The following KIR3DL2 variants were observed in gnomAD, a reference collection of about 807,000 sequenced individuals.
The protein encoded by KIR3DL2 is killer cell immunoglobulin-like receptor 3DL2.
A neutral mutation model predicts 41.6 loss-of-function variants in KIR3DL2; 42 were observed. The ratio of observed to expected loss-of-function variants is 1.01; its 90% CI spans 0.79 to 1.31. The LOEUF (loss-of-function observed/expected upper bound fraction) is 1.31. Among genes scored for constraint, KIR3DL2 ranks in the 50% most tolerant of loss-of-function variants. The probability of loss-of-function intolerance (pLI) is 0.00; values close to 1 mark genes in which losing one functional copy is unlikely to be tolerated. For synonymous variants in KIR3DL2, 230 were observed against 221.3 expected (o/e 1.04, Z -0.35); for missense variants, 728 against 576.8 (o/e 1.26, Z -2.68).
Position 54,853,824 on chromosome 19 carries a change from T to C in KIR3DL2, c.433T>C (p.Trp145Arg). 1 of 1,612,962 alleles carries C rather than the reference T, an allele frequency of 6.2e-7. No homozygotes were observed. Among genetic ancestry groups the C allele is most frequent in the Non-Finnish European group, 8.5e-7 (1 of 1,179,544 alleles). The change falls in exon 4 of 9, where the codon TGG becomes CGG. Residue 145 changes from tryptophan to arginine, a missense_variant. Physicochemically the swap from Trp to Arg is moderately radical, Grantham distance 101 (BLOSUM62 -3). Coordinates refer to ENST00000326321, the MANE Select transcript of KIR3DL2 (RefSeq NM_006737.4). ...KSGETVILQC[W>R]SDVMFEHFFL... The stretch of plus-strand genomic sequence containing the variant: ...AGGAGAGACAGTCATCCTGCAATGT[T>C]GGTCAGATGTCATGTTTGAGCACTT...
chr19:54,856,085 A>G (rs1272316314), intron 5 of KIR3DL2, among the ~76,000 whole-genome samples, 173 bp downstream of exon 5: 1 of 151,342 alleles, frequency 6.6e-6, no homozygotes, highest in Non-Finnish European at 1.5e-5. Context: ...ACCCTCTTGC[A>G]TGGCCTGCAT....
rs762726850 is a variant in KIR3DL2 at position 54,866,622 on chromosome 19, C to T, written c.1259C>T (p.Thr420Ile). ...AGTCGCCCTTCTCAGAGGCCCAAGA[C>T]ACCCCTAACAGATACCAGCGTGTAC... ...KISRPSQRPK[T>I]PLTDTSVYTE... Residue 420 changes from threonine to isoleucine, a missense_variant, in exon 9 of 9, where the codon ACA (threonine) becomes ATA (isoleucine). Coordinates refer to ENST00000326321, the MANE Select transcript of KIR3DL2 (RefSeq NM_006737.4). 29 of 1,613,922 alleles carry T rather than the reference C, an allele frequency of 1.8e-5. No homozygotes were observed. The highest frequency in any genetic ancestry group is 2.3e-5 in the Non-Finnish European group (27 of 1,179,994).
Position 54,852,160 on chromosome 19 carries a change from AGAGCTTCAT to A in KIR3DL2, c.234_242del (p.Glu78_Ile81delinsAsp). ...ATCTTCCACGGCAGAATATTCCAGG[AGAGCTTCAT>A]CATGGGCCCTGTGACCCCAGCACAT... On this transcript the variant is annotated inframe_deletion, in exon 3 of 9. Transcript: ENST00000326321. 1 of 1,613,082 alleles carries A rather than the reference AGAGCTTCAT, an allele frequency of 6.2e-7. No individual in the cohort carries two copies. The highest frequency in any genetic ancestry group is 8.5e-7 in the Non-Finnish European group (1 of 1,179,644).
chr19:54,851,938 C>A, intron 2 of KIR3DL2, 60 bp from the exon 3 acceptor site: 1 of 1,582,988 alleles, frequency 6.3e-7, no homozygotes, highest in Non-Finnish European at 8.6e-7. Flanking sequence ...CTTCTGAGCA[C>A]AGGGAGGGAG....
At position 54,867,134 on chromosome 19, in the gene KIR3DL2, T is replaced by G. The variant is rs796487144; in HGVS notation, c.*403T>G. 1.2e-4 allele frequency: 26 copies of G among 219,092 alleles called. No individual in the cohort carries two copies. The East Asian group carries it at 2.7e-3, about 23-fold the overall frequency. The allele number at this position is 219,092 out of a possible 1,614,324, so 13.6% of individuals were successfully genotyped here. A position where few individuals can be genotyped will look rare whatever the true frequency, so the allele number is the denominator to read the frequency against. On this transcript the variant is annotated 3_prime_UTR_variant, in exon 9 of 9. Coordinates refer to ENST00000326321, the MANE Select transcript of KIR3DL2 (RefSeq NM_006737.4). ...CAGACTATCTTTCAGCCTTCTGTCA[T>G]CAGTAAAATTTATAAATTTTTTTTA...
At chr19:54,853,480 G>A (rs1328340723) in intron 3 of KIR3DL2, among the ~76,000 whole-genome samples, 4 of 151,798 alleles carry the variant, frequency 2.6e-5, no homozygotes, top group Admixed American at 2.6e-4. Flanking sequence ...AAAGAGACTA[G>A]TGGGAAAGAG....
Position 54,853,910 on chromosome 19 carries a change from T to C in KIR3DL2, c.519T>C (p.Asp173=). 3.7e-6 allele frequency: 6 copies of C among 1,613,348 alleles called. No individual in the cohort carries two copies. Among genetic ancestry groups the C allele is most frequent in the Non-Finnish European group, 5.1e-6 (6 of 1,179,848 alleles). ...CACGCCTCGTTGGACAGATCCATGA[T>C]GGGGTCTCCAAGGCCAACTTCTCCA... The part of the protein sequence containing the change: ...DPSRLVGQIH[D]GVSKANFSIG... Residue 173 remains aspartate, a synonymous_variant, in exon 4 of 9, where the codon GAT becomes GAC. Transcript: ENST00000326321.
chr19:54,854,916 G>C (rs1196117408), intron 4 of KIR3DL2, among the ~76,000 whole-genome samples: 1 of 151,678 alleles, frequency 6.6e-6, no homozygotes, highest in African/African-American at 2.4e-5. Flanking sequence ...GGCAGAGAAA[G>C]ACAAGGAGAT....
chr19:54,866,781 G>T lies in KIR3DL2; in HGVS notation c.*50G>T. ...CCAGGTTGCCAGATCCAATGAACCAGCAGCTGGAATCTGAAGGCATCAGTC... is the reference window on the plus strand; with the variant it reads ...CCAGGTTGCCAGATCCAATGAACCATCAGCTGGAATCTGAAGGCATCAGTC... On this transcript the variant is annotated 3_prime_UTR_variant, in exon 9 of 9. Transcript: ENST00000326321. The T allele has an allele frequency of 6.3e-7, 1 of 1,586,092 alleles. No individual in the cohort carries two copies. The highest frequency in any genetic ancestry group is 8.6e-7 in the Non-Finnish European group (1 of 1,156,710).
Position 54,855,652 on chromosome 19 carries a change from C to T in KIR3DL2, c.689C>T (p.Pro230Leu), listed in dbSNP as rs777080131. Residue 230 changes from proline to leucine, a missense_variant, in exon 5 of 9, where the codon CCG becomes CTG. Coordinates refer to ENST00000326321, the MANE Select transcript of KIR3DL2 (RefSeq NM_006737.4). ...GAGAAACCTTCTCTCTCAGCCCAGC[C>T]GGGCCCCACGGTTCAGGCAGGAGAG... is the stretch of plus-strand genomic sequence containing the variant. ...LYEKPSLSAQPGPTVQAGENV... is the reference protein window; with the variant it reads ...LYEKPSLSAQLGPTVQAGENV... 67 of 1,613,364 alleles carry T rather than the reference C, an allele frequency of 4.2e-5. 2 individuals are homozygous for T. The highest frequency in any genetic ancestry group is 8.3e-5 in the Admixed American group (5 of 59,972).
At chr19:54,866,022 G>A (rs3745899) in intron 7 of KIR3DL2, 113 bp downstream of exon 7, 41,588 of 975,880 alleles carry the variant, frequency 0.043, 1,178 homozygotes, top group East Asian at 0.12. Context: ...CAAGGGAGGA[G>A]CCACAGAGGC....
At chr19:54,858,328 GGTATAGATGCA>G (rs2064941820) in intron 5 of KIR3DL2, among the ~76,000 whole-genome samples, 1 of 150,794 alleles carries the variant, frequency 6.6e-6, no homozygotes, top group Non-Finnish European at 1.5e-5. Context: ...TAAGGTGACA[GGTATAGATGCA>G]GTTTTATTCC....
intron 7 of KIR3DL2, among the ~76,000 whole-genome samples, chr19:54,866,156 G>A (rs1490900263): frequency 2.0e-5 from 3 of 152,038 alleles, no homozygotes; most frequent in Admixed American, 2.0e-4. Context: ...TCCATGACAG[G>A]CAGAAAGTGG....
chr19:54,851,080 C>G (rs1436369360), intron 1 of KIR3DL2, 140 bp from the exon 2 acceptor site: 2 of 1,085,462 alleles, frequency 1.8e-6, no homozygotes, highest in African/African-American at 3.2e-5. Flanking sequence ...GAGCCCTGTT[C>G]TTGGCAGCAG....
rs775413394 is a variant in KIR3DL2, at chr19:54,865,882, C to T, written c.1078C>T (p.Leu360Phe). 4 of 1,613,564 alleles carry T rather than the reference C, an allele frequency of 2.5e-6. No individual in the cohort carries two copies. The highest frequency in any genetic ancestry group is 2.2e-5 in the East Asian group (1 of 44,870). The change falls in exon 7 of 9, where the codon CTT (leucine) becomes TTT (phenylalanine). Residue 360 changes from leucine (L) to phenylalanine (F), a missense_variant. Coordinates refer to ENST00000326321, the MANE Select transcript of KIR3DL2 (RefSeq NM_006737.4). Reference sequence around the variant, plus strand: ...CTTCATCCTCCTCCTCTTCTTTCTCCTTTATCGCTGGTGCTCCAACAAAAA... The same window carrying T: ...CTTCATCCTCCTCCTCTTCTTTCTCTTTTATCGCTGGTGCTCCAACAAAAA... ...FLFILLLFFLLYRWCSNKKNA... is the reference protein window; with the variant it reads ...FLFILLLFFLFYRWCSNKKNA...
At position 54,865,809 on chromosome 19, in the gene KIR3DL2, C is replaced by G. The variant is rs375258915; in HGVS notation, c.1005C>G (p.Ile335Met). The G allele has an allele frequency of 7.4e-6, 12 of 1,611,670 alleles. No homozygotes were observed. In the East Asian group the frequency reaches 2.5e-4, roughly 33 times the overall value. Residue 335 changes from isoleucine (I) to methionine (M), a missense_variant, in exon 7 of 9, where the codon ATC becomes ATG. Transcript: ENST00000326321. ...SPTEPSSKSGICRHLHVLIGT... is the reference protein window; with the variant it reads ...SPTEPSSKSGMCRHLHVLIGT... ...TGGATTCCCATCTTCCTCCAGGTAT[C>G]TGCAGACACCTGCATGTTCTGATTG...
At chr19:54,852,356 C>G in intron 3 of KIR3DL2, 74 bp downstream of exon 3, 2 of 1,568,988 alleles carry the variant, frequency 1.3e-6, no homozygotes, top group Non-Finnish European at 1.7e-6. Context: ...GGGTGTCCAT[C>G]AGGGTCCCAT....
chr19:54,855,718 T>C lies in KIR3DL2; in HGVS notation c.755T>C (p.Ile252Thr). ...TGTAGCTCCTGGAGCTCCTATGACA[T>C]CTACCATCTGTCCAGGGAAGGGGAG... ...LSCSSWSSYD[I>T]YHLSREGEAH... Residue 252 changes from isoleucine (I) to threonine (T), a missense_variant, in exon 5 of 9, where the codon ATC (isoleucine) becomes ACC (threonine). By Grantham distance (89) the Ile-to-Thr change is moderately conservative (BLOSUM62 -1). Coordinates refer to ENST00000326321, the MANE Select transcript of KIR3DL2 (RefSeq NM_006737.4). 1 of 1,613,522 alleles carries C rather than the reference T, an allele frequency of 6.2e-7. No individual in the cohort carries two copies.
intron 6 of KIR3DL2, 131 bp from the exon 7 acceptor site, chr19:54,865,673 TG>T: frequency 1.3e-6 from 1 of 753,942 alleles, no homozygotes; most frequent in Non-Finnish European, 2.3e-6. Context: ...AGGAGAAAGC[TG>T]GGTCTCCCGC....
Sources: gnomAD v4.1 joint callset for allele counts (sites outside exome capture counted in the v4.1 genomes callset) on GRCh38, gnomAD v4.1.1 for gene constraint, MANE v1.5 for transcripts, NCBI Gene and HGNC (gene_info 2026-07-23, HGNC 2026-07-21) for gene names.